RAB18: variants seen among roughly 807,000 people sequenced by gnomAD.
RAB18 encodes RAB18, member RAS oncogene family.
Under a neutral mutation model 28.5 loss-of-function variants are expected in RAB18, and 10 were observed. The observed-to-expected ratio is 0.35, with a 90% CI of 0.22 to 0.60. The LOEUF is 0.60. Among genes scored for constraint, RAB18 ranks in the 20% least tolerant of loss-of-function variants. RAB18 has a pLI of 0.78. For missense variants in RAB18, 188 were observed against 244.2 expected (o/e 0.77, Z 1.53); for synonymous variants, 93 against 86.9 (o/e 1.07, Z -0.39).
rs540448533 is a variant in RAB18, at chr10:27,515,078, C to T, written c.124+5148C>T. ...CTGCTCTCAGCCTGCAAAAATATCT[C>T]GACCAGTTTTTTTGTTTGTTTGTTT... On this transcript the variant is annotated intron_variant, in intron 2 of 6. Transcript: ENST00000356940. Among the ~76,000 whole-genome samples the T allele has an allele frequency of 7.9e-5, 12 of 152,102 alleles. No homozygotes were observed. In the East Asian group the frequency reaches 1.9e-3, roughly 24 times the overall value.
intron 6 of RAB18, among the ~76,000 whole-genome samples, chr10:27,537,012 C>T (rs1834913783): frequency 6.6e-6 from 1 of 152,108 alleles, no homozygotes; most frequent in African/African-American, 2.4e-5. Flanking sequence ...GAAAATAATT[C>T]GGCAGACTTT....
rs780210626 is a variant in RAB18, at chr10:27,539,572, C to T, written c.*1521C>T. 2 of 424,484 alleles carry T rather than the reference C, an allele frequency of 4.7e-6. No homozygotes were observed. Among genetic ancestry groups the T allele is most frequent in the South Asian group, 3.4e-5 (2 of 57,994 alleles). The allele number at this position is 424,484 out of a possible 1,614,324, so 26.3% of individuals were successfully genotyped here. A position where few individuals can be genotyped will look rare whatever the true frequency, so the allele number is the denominator to read the frequency against. ...CTACTAGAAATTTGGAGAAAGAACA[C>T]TAACACATGTACTTGTGATTTGTTC... On this transcript the variant is annotated 3_prime_UTR_variant, in exon 7 of 7. Coordinates refer to ENST00000356940, the MANE Select transcript of RAB18 (RefSeq NM_021252.5).
chr10:27,531,509 T>A, intron 3 of RAB18: 5 of 1,540,564 alleles, frequency 3.2e-6, no homozygotes, highest in Non-Finnish European at 4.4e-6. Context: ...ATACATGTTT[T>A]TACTTTTACT....
At position 27,540,666 on chromosome 10, in the gene RAB18, T is replaced by TA; in HGVS notation, c.*2616dup. On this transcript the variant is annotated 3_prime_UTR_variant, in exon 7 of 7. Coordinates refer to ENST00000356940, the MANE Select transcript of RAB18 (RefSeq NM_021252.5). ...AGAAAAGGTACAAAGTTAGGGGACT[T>TA]ATGGTACCTTCACTTTTTATGTGAG... The TA allele has an allele frequency of 2.2e-6, 1 of 454,066 alleles. No homozygotes were observed. Among genetic ancestry groups the TA allele is most frequent in the Non-Finnish European group, 4.4e-6 (1 of 226,772 alleles). The allele number at this position is 454,066 out of a possible 1,614,324, so 28.1% of individuals were successfully genotyped here. A position where few individuals can be genotyped will look rare whatever the true frequency, so the allele number is the denominator to read the frequency against.
At chr10:27,522,191 A>G (rs899383358) in intron 2 of RAB18, among the ~76,000 whole-genome samples, 4 of 151,928 alleles carry the variant, frequency 2.6e-5, no homozygotes, top group Non-Finnish European at 5.9e-5. Context: ...TTGTAACACT[A>G]TTTTTCCATT....
chr10:27,538,458 GTA>G lies in RAB18; in HGVS notation c.*409_*410del, dbSNP rs1210548835. On this transcript the variant is annotated 3_prime_UTR_variant, in exon 7 of 7. Coordinates refer to ENST00000356940, the MANE Select transcript of RAB18 (RefSeq NM_021252.5). ...CCTAGCACCACGGGGAAGAATAGAG[GTA>G]TCATCAAACGTGGCAAATTTTCTTT... The G allele has an allele frequency of 2.2e-6, 1 of 455,042 alleles. No individual in the cohort carries two copies. The highest frequency in any genetic ancestry group is 2.0e-5 in the African/African-American group (1 of 50,018). 28.2% of individuals were successfully genotyped at this position (455,042 alleles called of 1,614,324 possible).
At chr10:27,534,463 A>C (rs1292878796) in intron 6 of RAB18, among the ~76,000 whole-genome samples, 1 of 152,224 alleles carries the variant, frequency 6.6e-6, no homozygotes, top group African/African-American at 2.4e-5. Flanking sequence ...GCCTGGTCCA[A>C]ATCTGGCCCC....
At chr10:27,529,581 C>A (rs1220825015) in intron 3 of RAB18, among the ~76,000 whole-genome samples, 1 of 151,872 alleles carries the variant, frequency 6.6e-6, no homozygotes, top group Non-Finnish European at 1.5e-5. Context: ...TATTATTAAG[C>A]CTTTCTAGAT....
rs146576863 is a variant in RAB18 at position 27,537,584 on chromosome 10, C to T, written c.446-292C>T. Among the ~76,000 whole-genome samples, 187 of 152,264 alleles carry T rather than the reference C, an allele frequency of 1.2e-3. 3 individuals are homozygous for T. The highest frequency in any genetic ancestry group is 4.4e-3 in the African/African-American group (182 of 41,538). The stretch of plus-strand genomic sequence containing the variant: ...ACTGAAAGCTTAAGGAAAAAACTTT[C>T]GCTCGCTATTTAAGTAGGGCTTTAC... On this transcript the variant is annotated intron_variant, in intron 6 of 6. Transcript: ENST00000356940.
chr10:27,509,812 A>T, intron 1 of RAB18, 63 bp from the exon 2 acceptor site: 1 of 1,304,132 alleles, frequency 7.7e-7, no homozygotes, highest in Non-Finnish European at 1.1e-6. Context: ...ATAATCATGA[A>T]CACATTTATC....
Position 27,531,759 on chromosome 10 carries a change from G to A in RAB18, c.187-748G>A, listed in dbSNP as rs193164458. 12 of 505,312 alleles carry A rather than the reference G, an allele frequency of 2.4e-5. No individual in the cohort carries two copies. The Admixed American group carries it at 3.1e-4, about 13-fold the overall frequency. The allele number at this position is 505,312 out of a possible 1,614,324, so 31.3% of individuals were successfully genotyped here. ...ACAAGAGAGAGAAGGAATTGGGCCC[G>A]GAAGTAAAGGCTTGTTAAATAGGTT... On this transcript the variant is annotated intron_variant, in intron 3 of 6. Transcript: ENST00000356940.
intron 3 of RAB18, among the ~76,000 whole-genome samples, chr10:27,529,858 C>G (rs960356172): frequency 1.3e-5 from 2 of 151,950 alleles, no homozygotes; most frequent in African/African-American, 2.4e-5. Context: ...ATTATAACAC[C>G]TATTTAAACA....
rs1198583551 is a variant in RAB18 at position 27,540,521 on chromosome 10, T to C, written c.*2470T>C. 2.2e-6 allele frequency: 1 copy of C among 454,062 alleles called. No homozygotes were observed. The highest frequency in any genetic ancestry group is 1.6e-5 in the South Asian group (1 of 64,476). 28.1% of individuals were successfully genotyped at this position (454,062 alleles called of 1,614,324 possible). ...ATAGAAGTATTTCACACTTTTGGGT[T>C]ATAGAGTAAATCCCATGATGTAAAC... is the stretch of plus-strand genomic sequence containing the variant. On this transcript the variant is annotated 3_prime_UTR_variant, in exon 7 of 7. Transcript: ENST00000356940.
chr10:27,519,107 G>T (rs925815281), intron 2 of RAB18, among the ~76,000 whole-genome samples: 1 of 151,138 alleles, frequency 6.6e-6, no homozygotes, highest in Non-Finnish European at 1.5e-5. Context: ...CCAACAAAAC[G>T]AAGTGGGGTT....
At chr10:27,531,529 G>A in intron 3 of RAB18, 1 of 1,524,618 alleles carries the variant, frequency 6.6e-7, no homozygotes, top group Non-Finnish European at 8.9e-7. Flanking sequence ...TTTTCTTTAG[G>A]TTACTTTGCA....
At position 27,541,343 on chromosome 10, in the gene RAB18, TC is replaced by T. The variant is rs573606717; in HGVS notation, c.*3293del. 3 of 350,772 alleles carry T rather than the reference TC, an allele frequency of 8.6e-6. No homozygotes were observed. The East Asian group carries it at 2.5e-4, about 29-fold the overall frequency. 21.7% of individuals were successfully genotyped at this position (350,772 alleles called of 1,614,324 possible). A position where few individuals can be genotyped will look rare whatever the true frequency, so the allele number is the denominator to read the frequency against. On this transcript the variant is annotated 3_prime_UTR_variant, in exon 7 of 7. Transcript: ENST00000356940. ...GCTAAGGAATATAGAATCACCCAGG[TC>T]TTTTTTTTTTTTTTTAATTTTTCTC...
Position 27,533,686 on chromosome 10 carries a change from T to C in RAB18, c.260-49T>C, listed in dbSNP as rs773512403. The C allele has an allele frequency of 1.9e-6, 3 of 1,571,148 alleles. No individual in the cohort carries two copies. In the South Asian group the frequency reaches 3.4e-5, roughly 18 times the overall value. ...CTAGCTACATATCAGAAATACGCCA[T>C]TGCTTCTTTCTTTAATGCTTATTTA... On this transcript the variant is annotated intron_variant, in intron 4 of 6. Coordinates refer to ENST00000356940, the MANE Select transcript of RAB18 (RefSeq NM_021252.5).
chr10:27,518,616 T>C (rs557771771), intron 2 of RAB18, among the ~76,000 whole-genome samples: 1 of 152,128 alleles, frequency 6.6e-6, no homozygotes, highest in Non-Finnish European at 1.5e-5. Context: ...AGTGGGTTTT[T>C]TGCTTTTTTG....
In RAB18 at chr10:27,528,551, T is replaced by C; in HGVS notation, c.186+1662T>C. On this transcript the variant is annotated intron_variant, in intron 3 of 6. Transcript: ENST00000356940. ...ACATTTTTAAACCTGTTTGTCCTCC[T>C]TTCCTACCACCTCACCCCCACTCAT... 1.3e-5 allele frequency among the ~76,000 whole-genome samples: 2 copies of C among 152,104 alleles called. 1 individual carries two copies. Among genetic ancestry groups the C allele is most frequent in the Non-Finnish European group, 2.9e-5 (2 of 67,950 alleles).
Sources: allele counts gnomAD v4.1 joint callset (sites outside exome capture counted in the v4.1 genomes callset), GRCh38; gene constraint gnomAD v4.1.1; transcripts MANE v1.5; gene names NCBI Gene and HGNC (gene_info 2026-07-23, HGNC 2026-07-21).